EAF2: variants seen among roughly 807,000 people sequenced by gnomAD.
The protein encoded by EAF2 is ELL associated factor 2.
In EAF2, 29 loss-of-function variants were observed where a neutral mutation model predicts 29.4. The observed-to-expected ratio is 0.99, with a 90% CI of 0.73 to 1.35. The LOEUF (loss-of-function observed/expected upper bound fraction) is 1.35, where lower values mean the gene tolerates loss of function less well. EAF2 is among the 40% of genes most tolerant of loss of function. The pLI, the probability that EAF2 is intolerant of heterozygous loss-of-function variation, is 0.00. For synonymous variants in EAF2, 103 were observed against 102.5 expected (o/e 1.00, Z -0.03); for missense variants, 292 against 312.0 (o/e 0.94, Z 0.48).
intron 5 of EAF2, among the ~76,000 whole-genome samples, chr3:121,885,156 TC>T (rs1386161329): frequency 1.3e-5 from 2 of 152,226 alleles, no homozygotes; most frequent in African/African-American, 4.8e-5. Flanking sequence ...AAATGATAAC[TC>T]AGTAAATGAT....
chr3:121,839,889 T>A (rs1708377647), intron 1 of EAF2, among the ~76,000 whole-genome samples: 2 of 152,216 alleles, frequency 1.3e-5, no homozygotes, highest in South Asian at 4.1e-4. Context: ...TAATAGGACA[T>A]GTCCACGAAA....
intron 5 of EAF2, among the ~76,000 whole-genome samples, chr3:121,883,556 T>C (rs2107551894): frequency 6.6e-6 from 1 of 152,340 alleles, no homozygotes; most frequent in East Asian, 1.9e-4. Flanking sequence ...TCCACCCGAC[T>C]TTCAAAAATT....
At chr3:121,848,578 G>A (rs1576640145) in intron 2 of EAF2, among the ~76,000 whole-genome samples, 1 of 133,312 alleles carries the variant, frequency 7.5e-6, no homozygotes, top group Middle Eastern at 3.8e-3. Context: ...AAGAAAGGCA[G>A]GATCACTTTT....
chr3:121,860,506 A>G (rs1708807037), intron 4 of EAF2, among the ~76,000 whole-genome samples: 1 of 152,138 alleles, frequency 6.6e-6, no homozygotes, highest in Non-Finnish European at 1.5e-5. Context: ...CTGTGGGATC[A>G]GTGGTGCTAT....
chr3:121,855,742 C>T (rs1708707220), intron 3 of EAF2, among the ~76,000 whole-genome samples: 1 of 152,186 alleles, frequency 6.6e-6, no homozygotes, highest in East Asian at 1.9e-4. Flanking sequence ...CCTGTGTATA[C>T]GTTTTGGAAA....
chr3:121,869,099 C>G (rs1210247404), intron 4 of EAF2, among the ~76,000 whole-genome samples: 2 of 152,118 alleles, frequency 1.3e-5, no homozygotes, highest in Non-Finnish European at 2.9e-5. Context: ...AAATTAAACA[C>G]ATTTCTAAAA....
intron 5 of EAF2, among the ~76,000 whole-genome samples, chr3:121,883,366 T>G (rs1709223793): frequency 6.6e-6 from 1 of 152,202 alleles, no homozygotes; most frequent in South Asian, 2.1e-4. Flanking sequence ...CCCCAAACTA[T>G]TTTTAAAAGA....
rs57868658 is a variant in EAF2, at chr3:121,841,504, C to CA, written c.107-2910dup. Among the ~76,000 whole-genome samples the CA allele has an allele frequency of 9.2e-4, 24 of 26,014 alleles. 1 individual carries two copies. Among genetic ancestry groups the CA allele is most frequent in the Non-Finnish European group, 1.3e-3 (17 of 12,766 alleles). The allele number at this position is 26,014 out of a possible 152,430, so 17.1% of individuals were successfully genotyped here. ...TAGGCGGCAGAGGGAGACCCTGTCT[C>CA]AAAAAAAAAAAAAAAAAAAAAAAAA... On this transcript the variant is annotated intron_variant, in intron 1 of 5. Transcript: ENST00000273668.
intron 2 of EAF2, among the ~76,000 whole-genome samples, chr3:121,845,055 A>G (rs1329710970): frequency 6.7e-6 from 1 of 149,970 alleles, no homozygotes; most frequent in Admixed American, 6.6e-5. Flanking sequence ...CAAGGAGTAG[A>G]ATAAGCAAAC....
At chr3:121,835,992 C>T (rs1319676040) in intron 1 of EAF2, among the ~76,000 whole-genome samples, 1 of 152,144 alleles carries the variant, frequency 6.6e-6, no homozygotes, top group African/African-American at 2.4e-5. Flanking sequence ...ATGCTTACCT[C>T]CCTATGATTT....
At chr3:121,873,117 T>G in intron 5 of EAF2, 1 of 672,160 alleles carries the variant, frequency 1.5e-6, no homozygotes. Context: ...CTAAATAACT[T>G]CCTCCATGTT....
chr3:121,854,008 T>C (rs1056323139), intron 2 of EAF2, among the ~76,000 whole-genome samples: 9 of 152,076 alleles, frequency 5.9e-5, no homozygotes, highest in African/African-American at 1.9e-4. Flanking sequence ...ATTAAACTTA[T>C]AAAGCAATAA....
At chr3:121,875,754 A>T (rs1007535898) in intron 5 of EAF2, among the ~76,000 whole-genome samples, 1 of 151,970 alleles carries the variant, frequency 6.6e-6, no homozygotes, top group African/African-American at 2.4e-5. Flanking sequence ...GAAATGAAAC[A>T]AATCTAATAG....
At chr3:121,858,515 CGTTT>C (rs1242026495) in intron 4 of EAF2, among the ~76,000 whole-genome samples, 1 of 151,956 alleles carries the variant, frequency 6.6e-6, no homozygotes, top group African/African-American at 2.4e-5. Context: ...TTGATGGAGT[CGTTT>C]GTTTTTTTCT....
chr3:121,847,785 T>C (rs1708554989), intron 2 of EAF2, among the ~76,000 whole-genome samples: 1 of 152,276 alleles, frequency 6.6e-6, no homozygotes, highest in Admixed American at 6.5e-5. Flanking sequence ...ATGTTAAAAA[T>C]AGATGTAGTA....
rs200644295 is a variant in EAF2, at chr3:121,843,679, CTTGT to C, written c.107-771_107-768del. ...CTTTAATTGCTTAGAGGGTTTTAAG[CTTGT>C]TTAACATGTGAAATATCTTAGTACC... On this transcript the variant is annotated intron_variant, in intron 1 of 5. Transcript: ENST00000273668. Among the ~76,000 whole-genome samples, 1,302 of 152,094 alleles carry C rather than the reference CTTGT, an allele frequency of 8.6e-3. 13 individuals carry two copies. The highest frequency in any genetic ancestry group is 0.025 in the South Asian group (119 of 4,820).
intron 2 of EAF2, among the ~76,000 whole-genome samples, chr3:121,853,570 T>C (rs1708668981): frequency 6.6e-6 from 1 of 152,186 alleles, no homozygotes; most frequent in Admixed American, 6.5e-5. Flanking sequence ...CACAAGTAGC[T>C]GGTACTACAG....
chr3:121,882,060 T>C (rs1709198549), intron 5 of EAF2, among the ~76,000 whole-genome samples: 1 of 152,062 alleles, frequency 6.6e-6, no homozygotes, highest in African/African-American at 2.4e-5. Flanking sequence ...TGAAAACATG[T>C]ACTTGAGGCT....
chr3:121,870,482 G>C (rs1005183030), intron 4 of EAF2, among the ~76,000 whole-genome samples: 2 of 152,072 alleles, frequency 1.3e-5, no homozygotes, highest in African/African-American at 4.8e-5. Flanking sequence ...AAGCAATGGG[G>C]GTTGGAGAAT....
Sources: gnomAD v4.1 joint callset for allele counts (sites outside exome capture counted in the v4.1 genomes callset) on GRCh38, gnomAD v4.1.1 for gene constraint, MANE v1.5 for transcripts, NCBI Gene and HGNC (gene_info 2026-07-23, HGNC 2026-07-21) for gene names.